The following STXBP5L variants were observed in gnomAD, a reference collection of about 807,000 sequenced individuals.
The protein encoded by STXBP5L is syntaxin-binding protein 5-like.
A neutral mutation model predicts 144.5 loss-of-function variants in STXBP5L; 65 were observed. That is an observed-to-expected ratio of 0.45 (90% CI 0.37 to 0.55). The LOEUF is 0.55. Among genes scored for constraint, STXBP5L ranks in the 20% least tolerant of loss-of-function variants. The pLI, the probability that STXBP5L is intolerant of heterozygous loss-of-function variation, is 0.00. For missense variants in STXBP5L, 1,298 were observed against 1,405.5 expected, an observed-to-expected ratio of 0.92 and a Z score of 1.22; for synonymous variants, 505 against 469.6, an observed-to-expected ratio of 1.08 and a Z score of -0.97.
intron 5 of STXBP5L, among the ~76,000 whole-genome samples, chr3:121,089,254 A>G (rs1398223757): frequency 6.6e-6 from 1 of 151,620 alleles, no homozygotes; most frequent in Non-Finnish European, 1.5e-5. Flanking sequence ...TTTTCTGTTT[A>G]GAAAACTCCA....
At chr3:121,023,062 C>G (rs1945676098) in intron 3 of STXBP5L, among the ~76,000 whole-genome samples, 1 of 151,810 alleles carries the variant, frequency 6.6e-6, no homozygotes, top group African/African-American at 2.4e-5. Flanking sequence ...TTTCAAGATA[C>G]AAAAATAATG....
In STXBP5L at chr3:121,017,956, G is replaced by T. The variant is rs552891792; in HGVS notation, c.288-23744G>T. On this transcript the variant is annotated intron_variant, in intron 3 of 26. Coordinates refer to ENST00000471454, the MANE Select transcript of STXBP5L (RefSeq NM_001308330.2). ...TAGCCATGTGTTGTGGCATGCACCC[G>T]CAGTCCTAACTACCCAGGAGGCTGA... Among the ~76,000 whole-genome samples the T allele has an allele frequency of 3.7e-4, 57 of 152,170 alleles. 1 individual carries two copies. Among genetic ancestry groups the T allele is most frequent in the Admixed American group, 3.1e-3 (47 of 15,266 alleles).
intron 3 of STXBP5L, among the ~76,000 whole-genome samples, chr3:120,960,583 A>G (rs994080036): frequency 6.6e-6 from 1 of 152,236 alleles, no homozygotes; most frequent in African/African-American, 2.4e-5. Flanking sequence ...GCTGCCATAA[A>G]GAAGGATGAG....
At chr3:121,268,328 C>T (rs339011) in intron 18 of STXBP5L, among the ~76,000 whole-genome samples, 115,425 of 151,886 alleles carry the variant, frequency 0.76, 43,962 homozygotes, top group East Asian at 0.93. Flanking sequence ...CACTGCATGT[C>T]CCCACTCATA....
At chr3:121,146,721 G>T (rs534040265) in intron 7 of STXBP5L, among the ~76,000 whole-genome samples, 1 of 151,926 alleles carries the variant, frequency 6.6e-6, no homozygotes, top group Non-Finnish European at 1.5e-5. Context: ...AGACTTTAAG[G>T]CAAAAACTTT....
In STXBP5L at chr3:121,422,968, T is replaced by C. The variant is rs2047384507; in HGVS notation, c.*3871T>C. The C allele has an allele frequency of 6.6e-6, 1 of 151,988 alleles. No homozygotes were observed. Among genetic ancestry groups the C allele is most frequent in the African/African-American group, 2.4e-5 (1 of 41,366 alleles). 9.4% of individuals were successfully genotyped at this position (151,988 alleles called of 1,614,324 possible). A position where few individuals can be genotyped will look rare whatever the true frequency, so the allele number is the denominator to read the frequency against. On this transcript the variant is annotated 3_prime_UTR_variant, in exon 27 of 27. Coordinates refer to ENST00000471454, the MANE Select transcript of STXBP5L (RefSeq NM_001308330.2). ...TTGGTTGAAGAAGATTAAAATAGAT[T>C]CTTATATTCAAGCAGAAGGGAAAAA...
intron 18 of STXBP5L, among the ~76,000 whole-genome samples, chr3:121,273,093 T>A (rs910789555): frequency 3.3e-5 from 5 of 152,100 alleles, no homozygotes; most frequent in African/African-American, 7.2e-5. Context: ...TAAATTTACA[T>A]TTATAAGTAT....
intron 9 of STXBP5L, among the ~76,000 whole-genome samples, chr3:121,196,731 T>C (rs1246142550): frequency 1.3e-5 from 2 of 152,082 alleles, no homozygotes; most frequent in African/African-American, 4.8e-5. Flanking sequence ...GGCATGATCA[T>C]GGATCACGGC....
intron 19 of STXBP5L, among the ~76,000 whole-genome samples, chr3:121,310,976 G>A (rs2043506306): frequency 6.6e-6 from 1 of 151,402 alleles, no homozygotes; most frequent in Non-Finnish European, 1.5e-5. Context: ...TATTCACAAT[G>A]CCTATTTTTG....
At chr3:121,104,126 C>T (rs1458451578) in intron 5 of STXBP5L, among the ~76,000 whole-genome samples, 1 of 152,114 alleles carries the variant, frequency 6.6e-6, no homozygotes, top group East Asian at 1.9e-4. Context: ...TATGACTGCT[C>T]ATGAAATCTT....
intron 5 of STXBP5L, among the ~76,000 whole-genome samples, chr3:121,055,221 G>T (rs1948368293): frequency 6.6e-6 from 1 of 152,080 alleles, no homozygotes; most frequent in Non-Finnish European, 1.5e-5. Flanking sequence ...TATTGGAGGA[G>T]ATAAAATTAT....
intron 5 of STXBP5L, among the ~76,000 whole-genome samples, chr3:121,076,806 T>G (rs916203136): frequency 6.6e-5 from 10 of 152,204 alleles, no homozygotes; most frequent in African/African-American, 1.9e-4. Context: ...TTTGATGCTT[T>G]TCCTCCCATT....
In STXBP5L at chr3:121,115,043, A is replaced by C; in HGVS notation, c.589A>C (p.Asn197His). 6.2e-7 allele frequency: 1 copy of C among 1,602,056 alleles called. No homozygotes were observed. Among genetic ancestry groups the C allele is most frequent in the Non-Finnish European group, 8.5e-7 (1 of 1,176,256 alleles). Residue 197 changes from asparagine (N) to histidine (H), a missense_variant, in exon 6 of 27, where the codon AAC becomes CAC. Transcript: ENST00000471454. ...TCTTTCTGGATATGTTATCATGTGGAACAAGGCAATTGAACTGTAAGTTTG... is the reference window on the plus strand; with the variant it reads ...TCTTTCTGGATATGTTATCATGTGGCACAAGGCAATTGAACTGTAAGTTTG... Reference protein sequence around the residue: ...FILSGYVIMWNKAIELSTKTH... With the variant: ...FILSGYVIMWHKAIELSTKTH...
Position 120,984,824 on chromosome 3 carries a change from T to C in STXBP5L, c.287+29787T>C, listed in dbSNP as rs1193115584. On this transcript the variant is annotated intron_variant, in intron 3 of 26. Transcript: ENST00000471454. ...TTATTCACATATAGCCTTTATCGTG[T>C]TGAGTTAGTTTCCTTTTCTTCCTTA... Among the ~76,000 whole-genome samples the C allele has an allele frequency of 2.0e-5, 3 of 151,950 alleles. No individual in the cohort carries two copies. The East Asian group carries it at 5.8e-4, about 29-fold the overall frequency.
intron 5 of STXBP5L, among the ~76,000 whole-genome samples, chr3:121,108,077 T>C (rs573086076): frequency 5.3e-5 from 8 of 152,316 alleles, no homozygotes; most frequent in African/African-American, 1.9e-4. Context: ...GCTGAGACTT[T>C]GCTGAAGTTG....
chr3:121,365,938 C>T (rs2045852578), intron 20 of STXBP5L, among the ~76,000 whole-genome samples: 1 of 151,576 alleles, frequency 6.6e-6, no homozygotes, highest in South Asian at 2.1e-4. Context: ...TTCACTGTAT[C>T]TTATATGTTT....
rs775761726 is a variant in STXBP5L at position 121,418,330 on chromosome 3, T to C, written c.3227-7T>C. 8 of 1,611,670 alleles carry C rather than the reference T, an allele frequency of 5.0e-6. No individual in the cohort carries two copies. The highest frequency in any genetic ancestry group is 2.2e-5 in the East Asian group (1 of 44,806). ...ATGTTTTAAATTGCTATTGCATATATTCTCAGTTGGGGAAGCTTCGGCAGG... is the reference window on the plus strand; with the variant it reads ...ATGTTTTAAATTGCTATTGCATATACTCTCAGTTGGGGAAGCTTCGGCAGG... On this transcript the variant is annotated splice_region_variant and splice_polypyrimidine_tract_variant and intron_variant, in intron 25 of 26. Coordinates refer to ENST00000471454, the MANE Select transcript of STXBP5L (RefSeq NM_001308330.2).
Position 121,056,580 on chromosome 3 carries a change from G to A in STXBP5L, c.470+11045G>A, listed in dbSNP as rs1017746145. ...CCCACATTTAAAATATTTTATAAAG[G>A]CAATTTGAACTGGCTTTGATTCTTT... is the stretch of plus-strand genomic sequence containing the variant. On this transcript the variant is annotated intron_variant, in intron 5 of 26. Transcript: ENST00000471454. Among the ~76,000 whole-genome samples, 5 of 152,076 alleles carry A rather than the reference G, an allele frequency of 3.3e-5. No individual in the cohort carries two copies. The South Asian group carries it at 6.2e-4, about 19-fold the overall frequency.
intron 10 of STXBP5L, among the ~76,000 whole-genome samples, chr3:121,215,196 A>T (rs528614108): frequency 3.3e-5 from 5 of 152,266 alleles, no homozygotes; most frequent in Admixed American, 3.3e-4. Flanking sequence ...CATTTAGCCC[A>T]CTTACATTTA....
Sources: allele counts gnomAD v4.1 joint callset (sites outside exome capture counted in the v4.1 genomes callset), GRCh38; gene constraint gnomAD v4.1.1; transcripts MANE v1.5; gene names NCBI Gene and HGNC (gene_info 2026-07-23, HGNC 2026-07-21).